CAMK2D: variants seen among roughly 807,000 people sequenced by gnomAD.
CAMK2D encodes calcium/calmodulin-dependent protein kinase type II subunit delta.
CAMK2D carries 37 observed loss-of-function variants against 84.0 expected under a neutral mutation model. The ratio of observed to expected loss-of-function variants is 0.44; its 90% confidence interval spans 0.34 to 0.58. The LOEUF (loss-of-function observed/expected upper bound fraction) is 0.58. Among genes scored for constraint, CAMK2D ranks in the 20% least tolerant of loss-of-function variants. The probability of loss-of-function intolerance (pLI) is 0.02; values close to 1 mark genes in which losing one functional copy is unlikely to be tolerated. For missense variants in CAMK2D, 448 were observed against 652.5 expected, an observed-to-expected ratio of 0.69 and a Z score of 3.41; for synonymous variants, 202 against 212.5, an observed-to-expected ratio of 0.95 and a Z score of 0.43.
At chr4:113,680,677 C>G (rs1239905790) in intron 2 of CAMK2D, among the ~76,000 whole-genome samples, 1 of 152,176 alleles carries the variant, frequency 6.6e-6, no homozygotes, top group Non-Finnish European at 1.5e-5. Flanking sequence ...GATGAGGACA[C>G]TGAGGCACAC....
At chr4:113,729,361 T>G (rs71604984) in intron 2 of CAMK2D, among the ~76,000 whole-genome samples, 343 of 152,306 alleles carry the variant, frequency 2.3e-3, no homozygotes, top group Non-Finnish European at 3.7e-3. Flanking sequence ...ATGACATAGC[T>G]TTTGCTTACC....
intron 4 of CAMK2D, among the ~76,000 whole-genome samples, chr4:113,592,951 T>G (rs1436647485): frequency 6.6e-6 from 1 of 152,126 alleles, no homozygotes; most frequent in Non-Finnish European, 1.5e-5. Context: ...CCTCCCGGGT[T>G]CCAGTGATTC....
intron 2 of CAMK2D, among the ~76,000 whole-genome samples, chr4:113,703,775 A>G (rs1056622461): frequency 1.3e-4 from 20 of 152,234 alleles, no homozygotes; most frequent in Admixed American, 1.2e-3. Flanking sequence ...GGGATGCAAC[A>G]GGAATAACAC....
At chr4:113,557,877 T>G (rs966095202) in intron 4 of CAMK2D, among the ~76,000 whole-genome samples, 1 of 152,176 alleles carries the variant, frequency 6.6e-6, no homozygotes, top group Non-Finnish European at 1.5e-5. Context: ...AGAGTACCTG[T>G]GCATATATAA....
At chr4:113,606,510 C>A (rs1214663528) in intron 4 of CAMK2D, among the ~76,000 whole-genome samples, 12 of 145,352 alleles carry the variant, frequency 8.3e-5, no homozygotes, top group South Asian at 4.3e-4. Context: ...AAAAAAAAAA[C>A]AACAGAGGAA....
At chr4:113,668,240 A>AT (rs2099265394) in intron 2 of CAMK2D, among the ~76,000 whole-genome samples, 1 of 152,198 alleles carries the variant, frequency 6.6e-6, no homozygotes, top group Non-Finnish European at 1.5e-5. Context: ...ATAAAAACCC[A>AT]TAACGAAGGT....
intron 3 of CAMK2D, among the ~76,000 whole-genome samples, chr4:113,659,447 T>C (rs1434239640): frequency 6.6e-6 from 1 of 152,214 alleles, no homozygotes; most frequent in Non-Finnish European, 1.5e-5. Flanking sequence ...TATTTGCATA[T>C]AGAGTGTCTA....
chr4:113,518,148 T>C (rs573466786), intron 8 of CAMK2D, among the ~76,000 whole-genome samples: 1 of 152,266 alleles, frequency 6.6e-6, no homozygotes, highest in Admixed American at 6.5e-5. Flanking sequence ...TCCCTGCAAA[T>C]GTGGGTACCC....
At chr4:113,647,278 C>T (rs1650425330) in intron 3 of CAMK2D, among the ~76,000 whole-genome samples, 2 of 152,174 alleles carry the variant, frequency 1.3e-5, no homozygotes, top group South Asian at 4.1e-4. Context: ...CTTGGCTCTG[C>T]TTACCGTACA....
chr4:113,494,048 A>G (rs935596823), intron 16 of CAMK2D, among the ~76,000 whole-genome samples: 2 of 151,816 alleles, frequency 1.3e-5, no homozygotes, highest in Admixed American at 6.6e-5. Context: ...CTTCTTCTAA[A>G]TTTTTTTCAA....
intron 2 of CAMK2D, among the ~76,000 whole-genome samples, chr4:113,680,331 A>T (rs1379932471): frequency 6.6e-6 from 1 of 152,192 alleles, no homozygotes; most frequent in Non-Finnish European, 1.5e-5. Context: ...GCACTCTAGA[A>T]CAAACGCTGT....
At position 113,728,989 on chromosome 4, in the gene CAMK2D, C is replaced by CA. The variant is rs529050406; in HGVS notation, c.160+30330dup. On this transcript the variant is annotated intron_variant, in intron 2 of 20. Transcript: ENST00000511664. ...AATTTCTTGCCACAGTAGTTTACAA[C>CA]AAAAAAAGGCTCTTATGGCATTGTA... Among the ~76,000 whole-genome samples, 8 of 151,942 alleles carry CA rather than the reference C, an allele frequency of 5.3e-5. No individual in the cohort carries two copies. The East Asian group carries it at 9.6e-4, about 18-fold the overall frequency.
chr4:113,723,622 G>A (rs1419189587), intron 2 of CAMK2D, among the ~76,000 whole-genome samples: 5 of 152,074 alleles, frequency 3.3e-5, no homozygotes, highest in African/African-American at 1.2e-4. Context: ...TAACTGGCCA[G>A]TGTTGAAAAT....
At chr4:113,589,240 CTA>C (rs749529266) in intron 4 of CAMK2D, among the ~76,000 whole-genome samples, 1 of 151,970 alleles carries the variant, frequency 6.6e-6, no homozygotes, top group African/African-American at 2.4e-5. Context: ...TGAGAGAAGA[CTA>C]TATGAAGGTG....
At chr4:113,543,591 GT>G (rs1199188231) in intron 6 of CAMK2D, among the ~76,000 whole-genome samples, 1 of 151,914 alleles carries the variant, frequency 6.6e-6, no homozygotes, top group African/African-American at 2.4e-5. Context: ...GTCTGTTCTT[GT>G]TTTGCTCAGT....
At chr4:113,593,886 A>G (rs2098907984) in intron 4 of CAMK2D, among the ~76,000 whole-genome samples, 1 of 151,964 alleles carries the variant, frequency 6.6e-6, no homozygotes, top group Admixed American at 6.6e-5. Flanking sequence ...TACCACTATT[A>G]TTATTGAAGG....
intron 16 of CAMK2D, among the ~76,000 whole-genome samples, chr4:113,482,615 T>G (rs1379594032): frequency 6.6e-6 from 1 of 152,232 alleles, no homozygotes; most frequent in Non-Finnish European, 1.5e-5. Flanking sequence ...TTTAAAAATA[T>G]AACTTAATCT....
intron 2 of CAMK2D, among the ~76,000 whole-genome samples, chr4:113,737,972 C>T (rs1445023487): frequency 6.6e-6 from 1 of 152,072 alleles, no homozygotes; most frequent in Non-Finnish European, 1.5e-5. Context: ...TCTGGAAAGC[C>T]ATAGTCACAT....
chr4:113,630,363 G>A (rs1313619978), intron 3 of CAMK2D, among the ~76,000 whole-genome samples: 2 of 152,032 alleles, frequency 1.3e-5, no homozygotes, highest in Non-Finnish European at 2.9e-5. Context: ...GGGGTTATGC[G>A]GTCTTTGAGA....
Sources: allele counts gnomAD v4.1 joint callset (sites outside exome capture counted in the v4.1 genomes callset), GRCh38; gene constraint gnomAD v4.1.1; transcripts MANE v1.5; gene names NCBI Gene and HGNC (gene_info 2026-07-23, HGNC 2026-07-21).